The following TRIP13 variants were observed in gnomAD, a reference collection of about 807,000 sequenced individuals.
TRIP13 encodes thyroid hormone receptor interactor 13.
In TRIP13, 25 loss-of-function variants were observed where a neutral mutation model predicts 54.4. That is an observed-to-expected ratio of 0.46 (90% confidence interval 0.33 to 0.64). The LOEUF (loss-of-function observed/expected upper bound fraction) is 0.64. Among genes scored for constraint, TRIP13 ranks in the 30% least tolerant of loss-of-function variants. The pLI is 0.02. For synonymous variants in TRIP13, 207 were observed against 207.8 expected (o/e 1.00, Z 0.03); for missense variants, 373 against 534.2 (o/e 0.70, Z 2.97).
At chr5:916,311 C>T (rs1350913126) in intron 12 of TRIP13, among the ~76,000 whole-genome samples, 1 of 152,228 alleles carries the variant, frequency 6.6e-6, no homozygotes, top group East Asian at 1.9e-4. Context: ...TCACATAGAA[C>T]AGTGACCTGG....
At position 907,068 on chromosome 5, in the gene TRIP13, G is replaced by A; in HGVS notation, c.609-62G>A. On this transcript the variant is annotated intron_variant, in intron 6 of 12. Coordinates refer to ENST00000166345, the MANE Select transcript of TRIP13 (RefSeq NM_004237.4). This position sits in a 1 kb window ranked among gnomAD's most constrained non-coding sequence, Gnocchi z 4.1. The stretch of plus-strand genomic sequence containing the variant: ...ATGTTGCATTCAGGACGCGTGAATG[G>A]CTGCCGCTGAGGATCCACAGGACCA... 1 of 1,448,876 alleles carries A rather than the reference G, an allele frequency of 6.9e-7. No homozygotes were observed. Among genetic ancestry groups the A allele is most frequent in the Non-Finnish European group, 9.7e-7 (1 of 1,032,162 alleles). The allele number at this position is 1,448,876 out of a possible 1,614,324, so 89.8% of individuals were successfully genotyped here. A position where few individuals can be genotyped will look rare whatever the true frequency, so the allele number is the denominator to read the frequency against.
rs961671629 is a variant in TRIP13 at position 911,684 on chromosome 5, T to C, written c.867-159T>C. 6.6e-6 allele frequency among the ~76,000 whole-genome samples: 1 copy of C among 152,106 alleles called. No individual in the cohort carries two copies. The highest frequency in any genetic ancestry group is 2.4e-5 in the African/African-American group (1 of 41,410). ...GCCAAGGAGCAGCGAGAGCAAAGGC[T>C]GGGGGGTCTGCGTGGCCTGTGTTGG... On this transcript the variant is annotated intron_variant, in intron 9 of 12. Coordinates refer to ENST00000166345, the MANE Select transcript of TRIP13 (RefSeq NM_004237.4). This position sits in a 1 kb window ranked among gnomAD's most constrained non-coding sequence, Gnocchi z 4.7.
chr5:907,061 G>T lies in TRIP13; in HGVS notation c.609-69G>T. 7.2e-7 allele frequency: 1 copy of T among 1,379,580 alleles called. No individual in the cohort carries two copies. The highest frequency in any genetic ancestry group is 1.4e-5 in the African/African-American group (1 of 70,030). 85.5% of individuals were successfully genotyped at this position (1,379,580 alleles called of 1,614,324 possible). On this transcript the variant is annotated intron_variant, in intron 6 of 12. Coordinates refer to ENST00000166345, the MANE Select transcript of TRIP13 (RefSeq NM_004237.4). The surrounding 1 kb of genome is among the most constrained non-coding windows in gnomAD (Gnocchi z 4.1). ...ACTTGAGATGTTGCATTCAGGACGC[G>T]TGAATGGCTGCCGCTGAGGATCCAC...
intron 1 of TRIP13, among the ~76,000 whole-genome samples, chr5:893,382 G>T (rs1296758426): frequency 8.1e-6 from 1 of 123,076 alleles, no homozygotes; most frequent in Non-Finnish European, 1.6e-5. Flanking sequence ...CCCTGACCCT[G>T]CCCCTGCCCC....
At chr5:909,127 G>C (rs1033916761) in intron 9 of TRIP13, among the ~76,000 whole-genome samples, 1 of 152,194 alleles carries the variant, frequency 6.6e-6, no homozygotes, top group African/African-American at 2.4e-5. Flanking sequence ...GCTGTCCCCT[G>C]CTCGCCCTGC....
At chr5:910,340 A>G (rs1754205026) in intron 9 of TRIP13, among the ~76,000 whole-genome samples, 1 of 152,002 alleles carries the variant, frequency 6.6e-6, no homozygotes, top group African/African-American at 2.4e-5. Flanking sequence ...GGAGGGGTCT[A>G]CACAGCCTGT....
At chr5:902,569 T>C (rs1249863770) in intron 5 of TRIP13, among the ~76,000 whole-genome samples, 1 of 152,244 alleles carries the variant, frequency 6.6e-6, no homozygotes, top group Non-Finnish European at 1.5e-5. Flanking sequence ...ACCTCGCAGC[T>C]TCTGTGAGGC....
rs1273617782 is a variant in TRIP13 at position 908,656 on chromosome 5, T to C, written c.866+195T>C. ...TGCTTTTTAAAGAAATTGTTTTTAGTGTGTTAAAAATGTAATAGAAGGCCA... is the reference window on the plus strand; with the variant it reads ...TGCTTTTTAAAGAAATTGTTTTTAGCGTGTTAAAAATGTAATAGAAGGCCA... On this transcript the variant is annotated intron_variant, in intron 9 of 12. Coordinates refer to ENST00000166345, the MANE Select transcript of TRIP13 (RefSeq NM_004237.4). This position sits in a 1 kb window ranked among gnomAD's most constrained non-coding sequence, Gnocchi z 5.2. 1.4e-6 allele frequency: 2 copies of C among 1,413,412 alleles called. No homozygotes were observed. The highest frequency in any genetic ancestry group is 1.8e-6 in the Non-Finnish European group (2 of 1,081,770). The allele number at this position is 1,413,412 out of a possible 1,614,324, so 87.6% of individuals were successfully genotyped here.
Position 917,715 on chromosome 5 carries a change from G to T in TRIP13, c.*612G>T, listed in dbSNP as rs758944213. On this transcript the variant is annotated 3_prime_UTR_variant, in exon 13 of 13. Coordinates refer to ENST00000166345, the MANE Select transcript of TRIP13 (RefSeq NM_004237.4). Reference sequence around the variant, plus strand: ...TAAATAATCAGACATGGTCCCATTTGCAGGAAAAGTGCAGACTCTGAGTGT... The same window carrying T: ...TAAATAATCAGACATGGTCCCATTTTCAGGAAAAGTGCAGACTCTGAGTGT... 2 of 152,244 alleles carry T rather than the reference G, an allele frequency of 1.3e-5. No homozygotes were observed. Among genetic ancestry groups the T allele is most frequent in the African/African-American group, 2.4e-5 (1 of 41,458 alleles). 9.4% of individuals were successfully genotyped at this position (152,244 alleles called of 1,614,324 possible).
At chr5:910,710 C>T (rs1754212984) in intron 9 of TRIP13, among the ~76,000 whole-genome samples, 1 of 152,210 alleles carries the variant, frequency 6.6e-6, no homozygotes, top group Non-Finnish European at 1.5e-5. Context: ...TTTCTGTCCC[C>T]CACCAGTCCT....
At chr5:894,538 T>A (rs539649192) in intron 1 of TRIP13, among the ~76,000 whole-genome samples, 3 of 152,290 alleles carry the variant, frequency 2.0e-5, no homozygotes, top group African/African-American at 7.2e-5. Context: ...TAGCCCAGCA[T>A]AGCGAGAACT....
Position 912,005 on chromosome 5 carries a change from A to ATT in TRIP13, c.1020+18_1020+19dup. Reference sequence around the variant, plus strand: ...TGGAAGAACTGATGAAGGTACCTTTATTTTTTTTTTCCTCTTGATACAAAT... The same window carrying ATT: ...TGGAAGAACTGATGAAGGTACCTTTATTTTTTTTTTTTCCTCTTGATACAAAT... On this transcript the variant is annotated intron_variant, in intron 10 of 12. Coordinates refer to ENST00000166345, the MANE Select transcript of TRIP13 (RefSeq NM_004237.4). The surrounding 1 kb of genome is among the most constrained non-coding windows in gnomAD (Gnocchi z 7.2). 2 of 1,529,012 alleles carry ATT rather than the reference A, an allele frequency of 1.3e-6. No homozygotes were observed. The highest frequency in any genetic ancestry group is 1.8e-4 in the Middle Eastern group (1 of 5,714). The allele number at this position is 1,529,012 out of a possible 1,614,324, so 94.7% of individuals were successfully genotyped here.
rs1411293246 is a variant in TRIP13, at chr5:914,679, G to A, written c.1133+102G>A. The A allele has an allele frequency of 4.6e-6, 4 of 877,778 alleles. No homozygotes were observed. In the African/African-American group the frequency reaches 4.9e-5, roughly 11 times the overall value. The allele number at this position is 877,778 out of a possible 1,614,324, so 54.4% of individuals were successfully genotyped here. A position where few individuals can be genotyped will look rare whatever the true frequency, so the allele number is the denominator to read the frequency against. ...GGAGACCAGGGAGGGCCCTGGGTGT[G>A]AACTCTCAACACAGTATAGGTATGA... On this transcript the variant is annotated intron_variant, in intron 11 of 12. Transcript: ENST00000166345.
chr5:895,252 A>G (rs1253103168), intron 2 of TRIP13, among the ~76,000 whole-genome samples: 7 of 152,210 alleles, frequency 4.6e-5, no homozygotes, highest in Admixed American at 6.5e-5. Context: ...TCATTCTTTC[A>G]ATCAGCAAAT....
At chr5:914,842 G>A (rs1033459282) in intron 11 of TRIP13, among the ~76,000 whole-genome samples, 32 of 152,090 alleles carry the variant, frequency 2.1e-4, no homozygotes, top group Non-Finnish European at 4.0e-4. Flanking sequence ...GCAACCCTAC[G>A]GCTGACGACA....
Position 908,565 on chromosome 5 carries a change from C to A in TRIP13, c.866+104C>A. On this transcript the variant is annotated intron_variant, in intron 9 of 12. Coordinates refer to ENST00000166345, the MANE Select transcript of TRIP13 (RefSeq NM_004237.4). The surrounding 1 kb of genome is among the most constrained non-coding windows in gnomAD (Gnocchi z 5.2). ...CCTAGATCTTAGTGCCCAGCTCTTT[C>A]ACCGGAAAGTGCATTTGGCATTGAG... The A allele has an allele frequency of 6.5e-7, 1 of 1,544,300 alleles. No individual in the cohort carries two copies. Among genetic ancestry groups the A allele is most frequent in the Middle Eastern group, 1.7e-4 (1 of 5,940 alleles).
rs147247158 is a variant in TRIP13, at chr5:915,922, C to T, written c.1152C>T (p.Ser384=). Residue 384 remains serine, a synonymous_variant, in exon 12 of 13, where the codon AGC becomes AGT. Coordinates refer to ENST00000166345, the MANE Select transcript of TRIP13 (RefSeq NM_004237.4). The surrounding 1 kb of genome is among the most constrained non-coding windows in gnomAD (Gnocchi z 4.2). Reference sequence around the variant, plus strand: ...TACACAGGAAGAGCGAGGGCCTCAGCGGCCGGGTCCTGAGAAAACTCCCCT... The same window carrying T: ...TACACAGGAAGAGCGAGGGCCTCAGTGGCCGGGTCCTGAGAAAACTCCCCT... The part of the protein sequence containing the change: ...NDISRKSEGL[S]GRVLRKLPFL... The T allele has an allele frequency of 7.4e-6, 12 of 1,614,138 alleles. No individual in the cohort carries two copies. The highest frequency in any genetic ancestry group is 1.7e-5 in the Admixed American group (1 of 60,026).
chr5:896,816 G>C (rs770518950), intron 3 of TRIP13, 22 bp downstream of exon 3: 1 of 1,610,182 alleles, frequency 6.2e-7, no homozygotes, highest in Non-Finnish European at 8.5e-7. Flanking sequence ...GATGGGAGTT[G>C]AAGGGGAGGC....
chr5:896,571 GTT>G lies in TRIP13; in HGVS notation c.259-90_259-89del. ...TAGCTTTGATTATACTGTACATTCAGTTTTTATTTGTAGACCTTAACATCTAA... is the reference window on the plus strand; with the variant it reads ...TAGCTTTGATTATACTGTACATTCAGTTTATTTGTAGACCTTAACATCTAA... On this transcript the variant is annotated intron_variant, in intron 2 of 12. Coordinates refer to ENST00000166345, the MANE Select transcript of TRIP13 (RefSeq NM_004237.4). The G allele has an allele frequency of 8.7e-6, 12 of 1,376,454 alleles. No individual in the cohort carries two copies. In the South Asian group the frequency reaches 1.7e-4, roughly 20 times the overall value. 85.3% of individuals were successfully genotyped at this position (1,376,454 alleles called of 1,614,324 possible).
Sources: gnomAD v4.1 joint callset for allele counts (sites outside exome capture counted in the v4.1 genomes callset) on GRCh38, gnomAD v4.1.1 for gene constraint, Gnocchi (gnomAD v3.1) non-coding constraint, MANE v1.5 for transcripts, NCBI Gene and HGNC (gene_info 2026-07-23, HGNC 2026-07-21) for gene names.